ZNF850: variants seen among roughly 807,000 people sequenced by gnomAD.
The protein encoded by ZNF850 is zinc finger protein 850, also known as putative zinc finger protein ENSP00000330994.
In ZNF850, 2 loss-of-function variants were observed where a neutral mutation model predicts 11.9. The observed-to-expected ratio is 0.17, with a 90% confidence interval of 0.07 to 0.53. The LOEUF is 0.53. Ranked by LOEUF, ZNF850 falls within the 20% of genes least tolerant of loss-of-function variation. The pLI, the probability that ZNF850 is intolerant of heterozygous loss-of-function variation, is 0.94. For missense variants in ZNF850, 1,014 were observed against 1,316.4 expected, an observed-to-expected ratio of 0.77 and a Z score of 3.55; for synonymous variants, 381 against 443.0, an observed-to-expected ratio of 0.86 and a Z score of 1.76.
Position 36,745,305 on chromosome 19 carries a change from C to T in ZNF850, c.*2462G>A, listed in dbSNP as rs1242861736. 1 of 152,012 alleles carries T rather than the reference C, an allele frequency of 6.6e-6. No homozygotes were observed. Among genetic ancestry groups the T allele is most frequent in the Admixed American group, 6.6e-5 (1 of 15,246 alleles). The allele number at this position is 152,012 out of a possible 1,614,324, so 9.4% of individuals were successfully genotyped here. ...AGTGTAATTTAAATAGAATGAAATA[C>T]AACAATCCGAAGTGCATAGACGATG... On this transcript the variant is annotated 3_prime_UTR_variant, in exon 5 of 5. Coordinates refer to ENST00000591344, the MANE Select transcript of ZNF850 (RefSeq NM_001193552.2).
chr19:36,754,192 C>G (rs1336027727), intron 4 of ZNF850, among the ~76,000 whole-genome samples: 1 of 144,572 alleles, frequency 6.9e-6, no homozygotes, highest in Non-Finnish European at 1.5e-5. Context: ...AAAAAAAAAT[C>G]CAAATACATC....
rs1168533016 is a variant in ZNF850 at position 36,744,281 on chromosome 19, A to C, written c.*3486T>G. On this transcript the variant is annotated 3_prime_UTR_variant, in exon 5 of 5. Transcript: ENST00000591344. ...TTGTGCTTTTCTCTGCTCTTTAAAA[A>C]ATTCTACTTTTTTCATAAAAAGAGT... 2 of 152,212 alleles carry C rather than the reference A, an allele frequency of 1.3e-5. No homozygotes were observed. The highest frequency in any genetic ancestry group is 4.8e-5 in the African/African-American group (2 of 41,452). 9.4% of individuals were successfully genotyped at this position (152,212 alleles called of 1,614,324 possible).
At chr19:36,751,698 CAAAAA>C (rs398038336) in intron 4 of ZNF850, among the ~76,000 whole-genome samples, 3 of 15,758 alleles carry the variant, frequency 1.9e-4, no homozygotes, top group African/African-American at 7.8e-4. Flanking sequence ...GACTCCATCT[CAAAAA>C]AAAAAAAAAA....
In ZNF850 at chr19:36,748,597, AATG is replaced by A. The variant is rs758771666; in HGVS notation, c.2440_2442del (p.His814del). Reference sequence around the variant, plus strand: ...GTAAAAGATTTCCCACATTCCTTGCAATGATAAGGTTTCTCACCAGTGTGAAGT... The same window carrying A: ...GTAAAAGATTTCCCACATTCCTTGCAATAAGGTTTCTCACCAGTGTGAAGT... On this transcript the variant is annotated inframe_deletion, in exon 5 of 5. Coordinates refer to ENST00000591344, the MANE Select transcript of ZNF850 (RefSeq NM_001193552.2). 1.8e-5 allele frequency: 28 copies of A among 1,537,134 alleles called. No homozygotes were observed. The Middle Eastern group carries it at 5.0e-4, about 28-fold the overall frequency.
Position 36,754,788 on chromosome 19 carries a change from C to G in ZNF850, c.236-3984G>C, listed in dbSNP as rs2040475789. On this transcript the variant is annotated intron_variant, in intron 4 of 4. Transcript: ENST00000591344. ...ACCAGCCTGGTCTTGAGCTACTGAC[C>G]TTGTGTTTCACCCACCTCGGCCTCC... Among the ~76,000 whole-genome samples the G allele has an allele frequency of 2.0e-5, 3 of 152,096 alleles. 1 individual carries two copies. In the South Asian group the frequency reaches 6.2e-4, roughly 32 times the overall value.
intron 4 of ZNF850, among the ~76,000 whole-genome samples, chr19:36,753,271 G>GA (rs71171470): frequency 0.37 from 24,467 of 65,726 alleles, 4,995 homozygotes; most frequent in Non-Finnish European, 0.45. Context: ...TTCATCTCAG[G>GA]AAAAAAAAAA....
At chr19:36,770,396 A>G (rs1437891953) in intron 1 of ZNF850, among the ~76,000 whole-genome samples, 1 of 152,112 alleles carries the variant, frequency 6.6e-6, no homozygotes, top group Non-Finnish European at 1.5e-5. Context: ...TCGGTCAATC[A>G]CTAACATACA....
intron 1 of ZNF850, among the ~76,000 whole-genome samples, chr19:36,768,131 C>A (rs2040559473): frequency 6.6e-6 from 1 of 151,566 alleles, no homozygotes; most frequent in South Asian, 2.1e-4. Context: ...ATAAGCCAGG[C>A]ATGGTGGTGT....
intron 4 of ZNF850, among the ~76,000 whole-genome samples, chr19:36,751,823 G>A (rs1261802912): frequency 6.7e-6 from 1 of 149,776 alleles, no homozygotes; most frequent in Non-Finnish European, 1.5e-5. Flanking sequence ...CTTCAACAAT[G>A]TTATTATTTA....
chr19:36,767,278 C>G (rs2040554612), intron 1 of ZNF850, among the ~76,000 whole-genome samples: 2 of 151,596 alleles, frequency 1.3e-5, no homozygotes, highest in Admixed American at 1.3e-4. Context: ...ACAAAAAAGT[C>G]GGGCACAGTG....
intron 4 of ZNF850, among the ~76,000 whole-genome samples, chr19:36,754,361 G>GA (rs1469142680): frequency 1.3e-5 from 2 of 151,810 alleles, no homozygotes; most frequent in Admixed American, 6.6e-5. Context: ...CTTAGCACTG[G>GA]AAAAAAATAG....
At chr19:36,753,291 A>C (rs889269878) in intron 4 of ZNF850, among the ~76,000 whole-genome samples, 3 of 148,712 alleles carry the variant, frequency 2.0e-5, no homozygotes, top group Non-Finnish European at 4.5e-5. Flanking sequence ...AAAAAAAAAA[A>C]AGTAAAAGTT....
In ZNF850 at chr19:36,761,732, G is replaced by C; in HGVS notation, c.146C>G (p.Ser49Cys). The change falls in exon 4 of 5, where the codon TCT (serine) becomes TGT (cysteine). Residue 49 changes from serine (S) to cysteine (C), a missense_variant. Ser to Cys is a moderately radical substitution (Grantham distance 112). This residue lies in a region of ZNF850 where 835 missense variants were observed against 1,022.0 expected (regional missense o/e 0.82). Coordinates refer to ENST00000591344, the MANE Select transcript of ZNF850 (RefSeq NM_001193552.2). ...GGAAATCACATCAGGCTTTGGGATA[G>C]AGAGACCTGTTTATAAGAAAAGAAG... ...NYSSLVSLGLSIPKPDVISLL... is the reference protein window; with the variant it reads ...NYSSLVSLGLCIPKPDVISLL... 6.5e-7 allele frequency: 1 copy of C among 1,531,072 alleles called. No individual in the cohort carries two copies. The highest frequency in any genetic ancestry group is 8.8e-7 in the Non-Finnish European group (1 of 1,137,200). 94.8% of individuals were successfully genotyped at this position (1,531,072 alleles called of 1,614,324 possible).
At chr19:36,752,083 C>T (rs1297420908) in intron 4 of ZNF850, among the ~76,000 whole-genome samples, 1 of 152,046 alleles carries the variant, frequency 6.6e-6, no homozygotes, top group Non-Finnish European at 1.5e-5. Flanking sequence ...AAAAATGAAT[C>T]ATTGAAACTT....
At chr19:36,771,993 C>T (rs1426971768) in intron 1 of ZNF850, among the ~76,000 whole-genome samples, 3 of 152,196 alleles carry the variant, frequency 2.0e-5, no homozygotes, top group African/African-American at 2.4e-5. Flanking sequence ...GCCATAGAGC[C>T]GCCAACTCTC....
At chr19:36,761,585 C>T in intron 4 of ZNF850, 58 bp downstream of exon 4, 1 of 999,238 alleles carries the variant, frequency 1.0e-6, no homozygotes, top group Non-Finnish European at 1.5e-6. Flanking sequence ...GTGCTGCCTC[C>T]CTGACAGGCT....
In ZNF850 at chr19:36,745,068, G is replaced by A. The variant is rs189948171; in HGVS notation, c.*2699C>T. ...TGGGAGGTGGAGCTTGCAGTGAGTC[G>A]AGATCACGCCACTGCACTCCAGCCT... On this transcript the variant is annotated 3_prime_UTR_variant, in exon 5 of 5. Coordinates refer to ENST00000591344, the MANE Select transcript of ZNF850 (RefSeq NM_001193552.2). The A allele has an allele frequency of 7.9e-4, 120 of 151,448 alleles. No homozygotes were observed. The highest frequency in any genetic ancestry group is 2.4e-3 in the Admixed American group (36 of 15,228). 9.4% of individuals were successfully genotyped at this position (151,448 alleles called of 1,614,324 possible).
chr19:36,768,218 AAC>A (rs1039289320), intron 1 of ZNF850, among the ~76,000 whole-genome samples: 5 of 148,252 alleles, frequency 3.4e-5, no homozygotes, highest in Non-Finnish European at 6.0e-5. Context: ...AAAAAAAAAA[AAC>A]TATAATATAG....
chr19:36,751,698 C>CAA (rs398038336), intron 4 of ZNF850, among the ~76,000 whole-genome samples: 6,695 of 15,768 alleles, frequency 0.42, 2,203 homozygotes, highest in Non-Finnish European at 0.51. Context: ...GACTCCATCT[C>CAA]AAAAAAAAAA....
Sources: gnomAD v4.1 joint callset for allele counts (sites outside exome capture counted in the v4.1 genomes callset) on GRCh38, gnomAD v4.1.1 for gene constraint, gnomAD v4.1.1 regional missense constraint, MANE v1.5 for transcripts, NCBI Gene and HGNC (gene_info 2026-07-23, HGNC 2026-07-21) for gene names.